LYST: variants seen among roughly 807,000 people sequenced by gnomAD.
LYST encodes lysosomal trafficking regulator, also known as lysosomal-trafficking regulator.
LYST carries 192 observed loss-of-function variants against 413.6 expected under a neutral mutation model. The ratio of observed to expected loss-of-function variants is 0.46; its 90% CI spans 0.41 to 0.52. The LOEUF (loss-of-function observed/expected upper bound fraction) is 0.52. LYST is among the 20% of genes least tolerant of loss of function. The pLI, the probability that LYST is intolerant of heterozygous loss-of-function variation, is 0.00. For synonymous variants in LYST, 1,525 were observed against 1,567.3 expected (o/e 0.97, Z 0.64); for missense variants, 3,815 against 4,499.9 (o/e 0.85, Z 4.35).
In LYST at chr1:235,759,001, T is replaced by C; in HGVS notation, c.6852A>G (p.Pro2284=). ...ENFAYSLGYE[P]NYNRTASAHS... is the part of the protein sequence containing the mutation. ...GAGCACTTGCAGTTCGGTTGTAATT[T>C]GGCTCATAACCAAGAGAATAGGCAA... The change falls in exon 23 of 53, where the codon CCA becomes CCG. Residue 2284 remains proline, a synonymous_variant. Coordinates refer to ENST00000389793, the MANE Select transcript of LYST (RefSeq NM_000081.4). 1 of 1,614,064 alleles carries C rather than the reference T, an allele frequency of 6.2e-7. No homozygotes were observed. The highest frequency in any genetic ancestry group is 8.5e-7 in the Non-Finnish European group (1 of 1,179,976).
At chr1:235,798,708 G>A (rs978266745) in intron 10 of LYST, among the ~76,000 whole-genome samples, 2 of 151,298 alleles carry the variant, frequency 1.3e-5, no homozygotes, top group Non-Finnish European at 2.9e-5. Flanking sequence ...CATGAATGAA[G>A]GTTGAAAGCA....
intron 40 of LYST, 52 bp from the exon 41 acceptor site, chr1:235,716,830 T>G: frequency 1.9e-6 from 2 of 1,052,344 alleles, no homozygotes; most frequent in Non-Finnish European, 3.0e-6. Flanking sequence ...CTGTCAAGAT[T>G]AAGCTCCCTA....
chr1:235,723,637 C>T (rs929554736), intron 39 of LYST, among the ~76,000 whole-genome samples: 2 of 152,240 alleles, frequency 1.3e-5, no homozygotes, highest in African/African-American at 4.8e-5. Context: ...ATGACCCTGA[C>T]GAGAGTGGTG....
chr1:235,767,838 T>C (rs1668292217), intron 20 of LYST, among the ~76,000 whole-genome samples: 1 of 152,150 alleles, frequency 6.6e-6, no homozygotes, highest in Non-Finnish European at 1.5e-5. Context: ...TCTGAGTCAA[T>C]GGCCCTTTAT....
Position 235,787,209 on chromosome 1 carries a change from G to C in LYST, c.4853C>G (p.Ser1618Cys), listed in dbSNP as rs1257822116. 13 of 1,613,232 alleles carry C rather than the reference G, an allele frequency of 8.1e-6. No homozygotes were observed. The highest frequency in any genetic ancestry group is 1.1e-5 in the Non-Finnish European group (13 of 1,179,458). Residue 1618 changes from serine (S) to cysteine (C), a missense_variant, in exon 14 of 53, where the codon TCT (serine) becomes TGT (cysteine). Coordinates refer to ENST00000389793, the MANE Select transcript of LYST (RefSeq NM_000081.4). ...RIHGKISIWV[S>C]GQRKPDVTLD... ...TCAAAATGCTTCCTACCTCTGTCCA[G>C]AGACCCATATGGAGATTTTCCCATG... is the stretch of plus-strand genomic sequence containing the variant.
At chr1:235,694,300 C>T (rs1398229780) in intron 46 of LYST, among the ~76,000 whole-genome samples, 1 of 152,130 alleles carries the variant, frequency 6.6e-6, no homozygotes, top group Non-Finnish European at 1.5e-5. Context: ...CAGGCTTGAG[C>T]CACTGTGCCC....
chr1:235,880,134 T>C (rs1331265100), intron 1 of LYST, among the ~76,000 whole-genome samples: 1 of 152,266 alleles, frequency 6.6e-6, no homozygotes, highest in African/African-American at 2.4e-5. Context: ...CTTTTATGTC[T>C]TGTATTTACA....
intron 1 of LYST, among the ~76,000 whole-genome samples, chr1:235,866,398 C>G (rs1680522857): frequency 6.6e-6 from 1 of 152,212 alleles, no homozygotes; most frequent in African/African-American, 2.4e-5. Flanking sequence ...CGGAAACCGT[C>G]AACTCCCATC....
chr1:235,805,835 G>GCCA lies in LYST; in HGVS notation c.3300_3301insTGG (p.Leu1100_Gln1101insTrp). On this transcript the variant is annotated inframe_insertion, in exon 6 of 53. Coordinates refer to ENST00000389793, the MANE Select transcript of LYST (RefSeq NM_000081.4). ...AGGGCTTCCAAAAGTCGTATACTTT[G>GCCA]AAGTGAGGTCTCACTTTCTTGACTT... 6.2e-7 allele frequency: 1 copy of GCCA among 1,613,388 alleles called. No individual in the cohort carries two copies. The highest frequency in any genetic ancestry group is 8.5e-7 in the Non-Finnish European group (1 of 1,179,542).
At position 235,781,090 on chromosome 1, in the gene LYST, A is replaced by C. The variant is rs898718701; in HGVS notation, c.5024-35T>G. 6.0e-6 allele frequency: 8 copies of C among 1,324,052 alleles called. No individual in the cohort carries two copies. In the African/African-American group the frequency reaches 1.0e-4, roughly 17 times the overall value. 82.0% of individuals were successfully genotyped at this position (1,324,052 alleles called of 1,614,324 possible). A position where few individuals can be genotyped will look rare whatever the true frequency, so the allele number is the denominator to read the frequency against. On this transcript the variant is annotated intron_variant, in intron 15 of 52. Transcript: ENST00000389793. ...AGAAAAATAAAGTTAGTTATTTAAAACACCCTAACCAGAATTTTTCATAAA... is the reference window on the plus strand; with the variant it reads ...AGAAAAATAAAGTTAGTTATTTAAACCACCCTAACCAGAATTTTTCATAAA...
Position 235,806,773 on chromosome 1 carries a change from C to T in LYST, c.2364-1G>A. ...ACTCAAAAACAAATCTCTTATTACC[C>T]TGTGAAAGAAAAAAAGCATGTAAAA... On this transcript the variant is annotated splice_acceptor_variant, in intron 5 of 52. Transcript: ENST00000389793. LOFTEE classifies it high-confidence loss of function. 6.2e-7 allele frequency: 1 copy of T among 1,600,328 alleles called. No individual in the cohort carries two copies. The highest frequency in any genetic ancestry group is 8.6e-7 in the Non-Finnish European group (1 of 1,168,414).
chr1:235,755,320 C>A (rs573872430), intron 25 of LYST, among the ~76,000 whole-genome samples, 158 bp downstream of exon 25: 6 of 150,864 alleles, frequency 4.0e-5, no homozygotes, highest in Non-Finnish European at 8.8e-5. Flanking sequence ...ACCTGGGAGG[C>A]GGAAGTTGCA....
intron 48 of LYST, among the ~76,000 whole-genome samples, chr1:235,683,234 C>T (rs1017700975): frequency 1.3e-5 from 2 of 152,160 alleles, no homozygotes; most frequent in Non-Finnish European, 2.9e-5. Context: ...TCCAGCGGGT[C>T]GAGCAGGTCT....
chr1:235,765,252 T>A (rs1668016484), intron 21 of LYST, among the ~76,000 whole-genome samples: 2 of 152,014 alleles, frequency 1.3e-5, no homozygotes, highest in Admixed American at 6.6e-5. Flanking sequence ...ACCTCCAGAG[T>A]CATTCCATCC....
chr1:235,666,590 G>GCACA (rs1214218772), intron 50 of LYST, among the ~76,000 whole-genome samples: 8 of 74,592 alleles, frequency 1.1e-4, no homozygotes, highest in South Asian at 6.6e-4. Flanking sequence ...AGACACACAT[G>GCACA]CACACACACA....
chr1:235,838,451 G>A (rs909842021), intron 1 of LYST, among the ~76,000 whole-genome samples: 1 of 152,124 alleles, frequency 6.6e-6, no homozygotes, highest in Non-Finnish European at 1.5e-5. Flanking sequence ...TAGAAACTGG[G>A]TTATCTGGAA....
intron 4 of LYST, among the ~76,000 whole-genome samples, 167 bp from the exon 5 acceptor site, chr1:235,810,701 C>T (rs1673370683): frequency 6.6e-6 from 1 of 152,170 alleles, no homozygotes; most frequent in Non-Finnish European, 1.5e-5. Context: ...TGGGTTACCT[C>T]CTCTCACACT....
At position 235,664,135 on chromosome 1, in the gene LYST, A is replaced by T; in HGVS notation, c.11196-80T>A. 1 of 1,122,890 alleles carries T rather than the reference A, an allele frequency of 8.9e-7. No homozygotes were observed. Among genetic ancestry groups the T allele is most frequent in the African/African-American group, 1.5e-5 (1 of 65,516 alleles). The allele number at this position is 1,122,890 out of a possible 1,614,324, so 69.6% of individuals were successfully genotyped here. A position where few individuals can be genotyped will look rare whatever the true frequency, so the allele number is the denominator to read the frequency against. On this transcript the variant is annotated intron_variant, in intron 51 of 52. Transcript: ENST00000389793. The surrounding 1 kb of genome is among the most constrained non-coding windows in gnomAD (Gnocchi z 4.5). ...AGCCCTCTATATTTGTTTATTTGTT[A>T]AAAATCATGTGGAAGGAAATGTAAC...
intron 1 of LYST, among the ~76,000 whole-genome samples, chr1:235,849,383 C>T (rs1356657721): frequency 6.6e-6 from 1 of 151,926 alleles, no homozygotes; most frequent in Non-Finnish European, 1.5e-5. Flanking sequence ...AATAAAAGCC[C>T]TCTATGACAA....
Sources: gnomAD v4.1 joint callset for allele counts (sites outside exome capture counted in the v4.1 genomes callset) on GRCh38, gnomAD v4.1.1 for gene constraint, Gnocchi (gnomAD v3.1) non-coding constraint, MANE v1.5 for transcripts, NCBI Gene and HGNC (gene_info 2026-07-23, HGNC 2026-07-21) for gene names.